RBFOX1: variants seen among roughly 807,000 people sequenced by gnomAD.
RBFOX1 encodes the protein RNA binding protein fox-1 homolog 1.
A neutral mutation model predicts 57.7 loss-of-function variants in RBFOX1; 8 were observed. The ratio of observed to expected loss-of-function variants is 0.14; its 90% CI spans 0.08 to 0.25. RBFOX1 has a LOEUF of 0.25. Among genes scored for constraint, RBFOX1 ranks in the 10% least tolerant of loss-of-function variants. The pLI, the probability that RBFOX1 is intolerant of heterozygous loss-of-function variation, is 1.00. For synonymous variants in RBFOX1, 326 were observed against 222.4 expected, an observed-to-expected ratio of 1.47 and a Z score of -4.15; for missense variants, 611 against 548.5, an observed-to-expected ratio of 1.11 and a Z score of -1.14.
chr16:6,125,742 G>A lies in RBFOX1; in HGVS notation c.-127+105750G>A, dbSNP rs4786824. 6.5e-3 allele frequency among the ~76,000 whole-genome samples: 988 copies of A among 152,192 alleles called. 31 individuals carry two copies. Among genetic ancestry groups the A allele is most frequent in the Admixed American group, 0.037 (560 of 15,288 alleles). ...CAGGATTTGCAGGAAATAGAGTAATGCAATTACCATCCTTGGCTCGCTCTC... is the reference window on the plus strand; with the variant it reads ...CAGGATTTGCAGGAAATAGAGTAATACAATTACCATCCTTGGCTCGCTCTC... On this transcript the variant is annotated intron_variant, in intron 1 of 15. Coordinates refer to ENST00000550418, the MANE Select transcript of RBFOX1 (RefSeq NM_018723.4).
intron 4 of RBFOX1, among the ~76,000 whole-genome samples, chr16:7,210,531 A>G (rs2090924155): frequency 1.3e-5 from 2 of 152,334 alleles, no homozygotes; most frequent in South Asian, 2.1e-4. Flanking sequence ...CAATACCTAA[A>G]TTAACATTTT....
intron 4 of RBFOX1, among the ~76,000 whole-genome samples, chr16:7,085,880 C>T (rs532500081): frequency 9.3e-4 from 142 of 152,286 alleles, no homozygotes; most frequent in African/African-American, 3.2e-3. Context: ...CCGTTCTGCC[C>T]CATCAAACCA....
At chr16:7,094,779 T>TGG (rs977644976) in intron 4 of RBFOX1, among the ~76,000 whole-genome samples, 1 of 135,052 alleles carries the variant, frequency 7.4e-6, no homozygotes, top group African/African-American at 2.7e-5. Flanking sequence ...TGTGTGTGGG[T>TGG]GTGTGTGTGT....
chr16:5,637,693 G>A (rs1480785085), intron 3 of RBFOX1, among the ~76,000 whole-genome samples: 1 of 152,180 alleles, frequency 6.6e-6, no homozygotes, highest in East Asian at 1.9e-4. Context: ...TCCCCAGGGA[G>A]GCAGATGGGG....
chr16:6,854,582 G>C (rs1296988479), intron 3 of RBFOX1, among the ~76,000 whole-genome samples: 1 of 110,722 alleles, frequency 9.0e-6, no homozygotes, highest in African/African-American at 3.1e-5. Flanking sequence ...AACTAGGAGA[G>C]GTGAATTTTT....
intron 4 of RBFOX1, among the ~76,000 whole-genome samples, chr16:6,012,258 A>G (rs141902439): frequency 8.8e-4 from 134 of 152,344 alleles, no homozygotes; most frequent in African/African-American, 3.0e-3. Context: ...TGAGGACTCA[A>G]TGAGAATCTG....
intron 2 of RBFOX1, among the ~76,000 whole-genome samples, chr16:5,508,741 C>T (rs1316394458): frequency 2.6e-5 from 4 of 152,200 alleles, no homozygotes. Flanking sequence ...ATTGCACAGA[C>T]TGTGACCACC....
At chr16:6,638,642 A>G (rs1465500960) in intron 2 of RBFOX1, among the ~76,000 whole-genome samples, 1 of 152,220 alleles carries the variant, frequency 6.6e-6, no homozygotes, top group African/African-American at 2.4e-5. Context: ...ACACTAATTT[A>G]TATAATGTTT....
chr16:5,995,633 C>T (rs1487284802), intron 4 of RBFOX1, among the ~76,000 whole-genome samples: 1 of 152,160 alleles, frequency 6.6e-6, no homozygotes, highest in Non-Finnish European at 1.5e-5. Flanking sequence ...AGACAGAAAT[C>T]CTGGATGCTA....
chr16:6,344,512 C>G (rs1352214147), intron 2 of RBFOX1, among the ~76,000 whole-genome samples: 2 of 149,884 alleles, frequency 1.3e-5, no homozygotes, highest in East Asian at 3.9e-4. Flanking sequence ...ATTCTCCTGC[C>G]TCAGCCTCCT....
At chr16:7,653,729 C>G in intron 11 of RBFOX1, 86 bp from the exon 12 acceptor site, 2 of 1,574,254 alleles carry the variant, frequency 1.3e-6, no homozygotes, top group South Asian at 1.1e-5. Flanking sequence ...TGTGCAGGGA[C>G]AAGGGTTCCC....
chr16:6,455,049 A>ATTT (rs34643206), intron 2 of RBFOX1, among the ~76,000 whole-genome samples: 1 of 142,468 alleles, frequency 7.0e-6, no homozygotes, highest in African/African-American at 2.6e-5. Context: ...TGCCTGGCTA[A>ATTT]TTTTTTTTTT....
chr16:6,075,109 G>A (rs878934524), intron 1 of RBFOX1, among the ~76,000 whole-genome samples: 1 of 152,158 alleles, frequency 6.6e-6, no homozygotes, highest in African/African-American at 2.4e-5. Context: ...TGCTTCTGGT[G>A]CTCCCATTTA....
chr16:7,067,449 T>TA (rs2056340286), intron 4 of RBFOX1, among the ~76,000 whole-genome samples: 1 of 151,348 alleles, frequency 6.6e-6, no homozygotes, highest in Non-Finnish European at 1.5e-5. Context: ...GAGAATCCTT[T>TA]TTTTTTTTTT....
At chr16:7,151,818 T>C (rs1402701079) in intron 4 of RBFOX1, among the ~76,000 whole-genome samples, 2 of 152,096 alleles carry the variant, frequency 1.3e-5, no homozygotes, top group Non-Finnish European at 2.9e-5. Flanking sequence ...ATAAGCCACA[T>C]GCAACCTAGC....
chr16:5,501,443 A>G (rs1185358852), intron 2 of RBFOX1, among the ~76,000 whole-genome samples: 3 of 151,756 alleles, frequency 2.0e-5, no homozygotes, highest in East Asian at 3.9e-4. Flanking sequence ...CTGTCGATCT[A>G]GTGGAAGGGT....
In RBFOX1 at chr16:6,863,495, A is replaced by G. The variant is rs893916485; in HGVS notation, c.-15-188562A>G. On this transcript the variant is annotated intron_variant, in intron 3 of 15. Coordinates refer to ENST00000550418, the MANE Select transcript of RBFOX1 (RefSeq NM_018723.4). ...TTCATTATGTTGCCTGTACAAGTAGAACACATAGCAGGAACTGTGTTTTAA... is the reference window on the plus strand; with the variant it reads ...TTCATTATGTTGCCTGTACAAGTAGGACACATAGCAGGAACTGTGTTTTAA... Among the ~76,000 whole-genome samples, 7 of 152,134 alleles carry G rather than the reference A, an allele frequency of 4.6e-5. No homozygotes were observed. In the South Asian group the frequency reaches 1.5e-3, roughly 32 times the overall value.
At chr16:7,155,595 G>GA (rs57504385) in intron 4 of RBFOX1, among the ~76,000 whole-genome samples, 18,382 of 120,914 alleles carry the variant, frequency 0.15, 1,507 homozygotes, top group East Asian at 0.34. Context: ...GCACTTGTCT[G>GA]AAAAAAAAAA....
intron 2 of RBFOX1, among the ~76,000 whole-genome samples, chr16:5,570,595 T>C (rs2046248480): frequency 6.6e-6 from 1 of 152,124 alleles, no homozygotes; most frequent in African/African-American, 2.4e-5. Flanking sequence ...ATCCCAGCAC[T>C]TTGGGAGGCC....
Sources: allele counts gnomAD v4.1 joint callset (sites outside exome capture counted in the v4.1 genomes callset), GRCh38; gene constraint gnomAD v4.1.1; transcripts MANE v1.5; gene names NCBI Gene and HGNC (gene_info 2026-07-23, HGNC 2026-07-21).